The following ZMPSTE24 variants were observed in gnomAD, a reference collection of about 807,000 sequenced individuals.
The protein encoded by ZMPSTE24 is CAAX prenyl protease 1 homolog.
In ZMPSTE24, 48 loss-of-function variants were observed where a neutral mutation model predicts 56.7. The observed-to-expected ratio is 0.85, with a 90% CI of 0.67 to 1.08. The LOEUF (loss-of-function observed/expected upper bound fraction) is 1.08, where lower values mean the gene tolerates loss of function less well. Ranked by LOEUF, ZMPSTE24 falls within the 50% of genes least tolerant of loss-of-function variation. ZMPSTE24 has a pLI of 0.00. For missense variants in ZMPSTE24, 503 were observed against 548.7 expected, an observed-to-expected ratio of 0.92 and a Z score of 0.83; for synonymous variants, 172 against 195.2, an observed-to-expected ratio of 0.88 and a Z score of 0.99.
At chr1:40,275,000 G>T (rs1643653891) in intron 6 of ZMPSTE24, among the ~76,000 whole-genome samples, 1 of 151,966 alleles carries the variant, frequency 6.6e-6, no homozygotes, top group African/African-American at 2.4e-5. Context: ...AGAAGAGTAG[G>T]TTTGTGGGGA....
intron 6 of ZMPSTE24, among the ~76,000 whole-genome samples, chr1:40,273,930 C>G (rs1643644486): frequency 6.6e-6 from 1 of 151,716 alleles, no homozygotes. Flanking sequence ...CTACAACATC[C>G]AGAGTATGAG....
intron 6 of ZMPSTE24, among the ~76,000 whole-genome samples, chr1:40,272,748 C>G (rs1643625241): frequency 6.6e-6 from 1 of 152,158 alleles, no homozygotes; most frequent in South Asian, 2.1e-4. Context: ...CTATGACTTT[C>G]AGAATTTATA....
chr1:40,285,568 A>G (rs1407319787), intron 7 of ZMPSTE24, among the ~76,000 whole-genome samples: 1 of 152,160 alleles, frequency 6.6e-6, no homozygotes, highest in African/African-American at 2.4e-5. Flanking sequence ...ATTTCTAATG[A>G]TTTTGTAATA....
chr1:40,258,496 G>A lies in ZMPSTE24; in HGVS notation c.123+102G>A. On this transcript the variant is annotated intron_variant, in intron 1 of 9. Coordinates refer to ENST00000372759, the MANE Select transcript of ZMPSTE24 (RefSeq NM_005857.5). ...CTTGATTGCTTCGGTCCCCGCGCCA[G>A]TCTCGTCTTTGTGGTCCCTGCTGAG... 4 of 1,591,026 alleles carry A rather than the reference G, an allele frequency of 2.5e-6. No individual in the cohort carries two copies. The South Asian group carries it at 3.3e-5, about 13-fold the overall frequency.
chr1:40,270,049 A>G lies in ZMPSTE24; in HGVS notation c.549A>G (p.Ser183=). 6.2e-7 allele frequency: 1 copy of G among 1,613,898 alleles called. No homozygotes were observed. Among genetic ancestry groups the G allele is most frequent in the South Asian group, 1.1e-5 (1 of 91,024 alleles). ...VTQCILLPVS[S]LLLYIIKIGG... Reference sequence around the variant, plus strand: ...AGTGTATTTTGTTGCCTGTGTCTTCACTTCTACTTTACATTATTAAAATTG... The same window carrying G: ...AGTGTATTTTGTTGCCTGTGTCTTCGCTTCTACTTTACATTATTAAAATTG... Residue 183 remains serine (S), a synonymous_variant, in exon 5 of 10, where the codon TCA becomes TCG. Coordinates refer to ENST00000372759, the MANE Select transcript of ZMPSTE24 (RefSeq NM_005857.5).
chr1:40,267,902 T>C lies in ZMPSTE24; in HGVS notation c.357+30T>C, dbSNP rs1356140257. 3 of 1,586,164 alleles carry C rather than the reference T, an allele frequency of 1.9e-6. No individual in the cohort carries two copies. In the African/African-American group the frequency reaches 4.0e-5, roughly 21 times the overall value. ...GTGATTCATTAGCATGTATTTGTCA[T>C]GGTATTTCTTTTAGCTTGGCAGGCT... On this transcript the variant is annotated intron_variant, in intron 3 of 9. Coordinates refer to ENST00000372759, the MANE Select transcript of ZMPSTE24 (RefSeq NM_005857.5).
chr1:40,283,706 C>G (rs1188131222), intron 7 of ZMPSTE24, among the ~76,000 whole-genome samples: 2 of 152,134 alleles, frequency 1.3e-5, no homozygotes, highest in East Asian at 3.9e-4. Context: ...CCCTTTTATT[C>G]TGGAAATCGA....
intron 2 of ZMPSTE24, among the ~76,000 whole-genome samples, chr1:40,261,856 C>T (rs1313165666): frequency 2.6e-5 from 4 of 152,094 alleles, no homozygotes; most frequent in African/African-American, 4.8e-5. Context: ...ACTACAGGCG[C>T]GTGCCACCAC....
chr1:40,267,385 AGACAGGG>A (rs1643561543), intron 2 of ZMPSTE24, among the ~76,000 whole-genome samples: 2 of 143,022 alleles, frequency 1.4e-5, no homozygotes, highest in Admixed American at 6.9e-5. Flanking sequence ...ATTTTATTTG[AGACAGGG>A]TCTCAGTTTA....
At chr1:40,282,636 C>T (rs562456810) in intron 7 of ZMPSTE24, among the ~76,000 whole-genome samples, 1 of 152,330 alleles carries the variant, frequency 6.6e-6, no homozygotes, top group African/African-American at 2.4e-5. Flanking sequence ...GCCACCGCAC[C>T]CCGCCAAGCT....
chr1:40,283,183 C>A (rs912843674), intron 7 of ZMPSTE24, among the ~76,000 whole-genome samples: 1 of 152,122 alleles, frequency 6.6e-6, no homozygotes, highest in African/African-American at 2.4e-5. Flanking sequence ...AGTGATAACA[C>A]TAGAGAATCA....
At chr1:40,258,448 G>T in intron 1 of ZMPSTE24, 54 bp downstream of exon 1, 1 of 1,612,480 alleles carries the variant, frequency 6.2e-7, no homozygotes. Flanking sequence ...CCCTGGAGTA[G>T]CCTTGGCTTC....
At chr1:40,280,498 C>G (rs571364986) in intron 6 of ZMPSTE24, among the ~76,000 whole-genome samples, 3 of 151,830 alleles carry the variant, frequency 2.0e-5, no homozygotes, top group Non-Finnish European at 4.4e-5. Flanking sequence ...CATCTCTGCT[C>G]ACTGCAACCT....
At chr1:40,258,627 G>A (rs543994214) in intron 1 of ZMPSTE24, among the ~76,000 whole-genome samples, 3 of 152,304 alleles carry the variant, frequency 2.0e-5, no homozygotes, top group Non-Finnish European at 1.5e-5. Flanking sequence ...TTAGGGCCTG[G>A]AGGAAGGCTT....
At chr1:40,277,706 C>T (rs1442555772) in intron 6 of ZMPSTE24, among the ~76,000 whole-genome samples, 1 of 152,030 alleles carries the variant, frequency 6.6e-6, no homozygotes, top group African/African-American at 2.4e-5. Flanking sequence ...TGGTAGCTCA[C>T]ACCTGTAATC....
At position 40,258,242 on chromosome 1, in the gene ZMPSTE24, C is replaced by T; in HGVS notation, c.-30C>T. 6.2e-7 allele frequency: 1 copy of T among 1,611,596 alleles called. No individual in the cohort carries two copies. Among genetic ancestry groups the T allele is most frequent in the Non-Finnish European group, 8.5e-7 (1 of 1,179,746 alleles). On this transcript the variant is annotated 5_prime_UTR_variant, in exon 1 of 10. The change creates a new upstream start codon in the 5' untranslated region. Transcript: ENST00000372759. Reference sequence around the variant, plus strand: ...CGAGTGTCGGTGTGGCACCGGTGCACGCTGAAGGAGCCGGCGGAACCGGGT... The same window carrying T: ...CGAGTGTCGGTGTGGCACCGGTGCATGCTGAAGGAGCCGGCGGAACCGGGT...
chr1:40,281,499 A>G lies in ZMPSTE24; in HGVS notation c.926A>G (p.Asn309Ser), dbSNP rs766706415. The G allele has an allele frequency of 1.2e-6, 2 of 1,614,118 alleles. No homozygotes were observed. The highest frequency in any genetic ancestry group is 1.7e-6 in the Non-Finnish European group (2 of 1,179,980). Residue 309 changes from asparagine to serine, a missense_variant, in exon 7 of 10, where the codon AAC (asparagine) becomes AGC (serine). By Grantham distance (46) the Asn-to-Ser change is conservative. Coordinates refer to ENST00000372759, the MANE Select transcript of ZMPSTE24 (RefSeq NM_005857.5). The stretch of plus-strand genomic sequence containing the variant: ...GAACCCCGCAATGAGGAAGAAGGGA[A>G]CAGTGAAGAAATAAAAGCTAAAGTT... The part of the protein sequence containing the change: ...GMEPRNEEEG[N>S]SEEIKAKVKN...
At chr1:40,278,415 G>A (rs992217531) in intron 6 of ZMPSTE24, among the ~76,000 whole-genome samples, 1 of 150,958 alleles carries the variant, frequency 6.6e-6, no homozygotes, top group Non-Finnish European at 1.5e-5. Flanking sequence ...AAAATTAGCC[G>A]GGCGTGGTAG....
At position 40,268,593 on chromosome 1, in the gene ZMPSTE24, C is replaced by T. The variant is rs989004617; in HGVS notation, c.474+58C>T. 13 of 1,116,798 alleles carry T rather than the reference C, an allele frequency of 1.2e-5. 1 individual carries two copies. The South Asian group carries it at 1.2e-4, about 10-fold the overall frequency. The allele number at this position is 1,116,798 out of a possible 1,614,324, so 69.2% of individuals were successfully genotyped here. A position where few individuals can be genotyped will look rare whatever the true frequency, so the allele number is the denominator to read the frequency against. On this transcript the variant is annotated intron_variant, in intron 4 of 9. Coordinates refer to ENST00000372759, the MANE Select transcript of ZMPSTE24 (RefSeq NM_005857.5). ...ATGTGAAAAACTTCTGTGCTTTTGT[C>T]CTGTACTGTTTATAATTTAAACATA...
Sources: allele counts gnomAD v4.1 joint callset (sites outside exome capture counted in the v4.1 genomes callset), GRCh38; gene constraint gnomAD v4.1.1; transcripts MANE v1.5; gene names NCBI Gene and HGNC (gene_info 2026-07-23, HGNC 2026-07-21).